The following ICE1 variants were observed in gnomAD, a reference collection of about 807,000 sequenced individuals.
The protein encoded by ICE1 is interactor of little elongation complex ELL subunit 1, also known as little elongation complex subunit 1.
A neutral mutation model predicts 192.7 loss-of-function variants in ICE1; 64 were observed. The observed-to-expected ratio is 0.33, with a 90% CI of 0.27 to 0.41. ICE1 has a LOEUF of 0.41. Among genes scored for constraint, ICE1 ranks in the 10% least tolerant of loss-of-function variants. ICE1 has a pLI of 1.00. For synonymous variants in ICE1, 1,010 were observed against 984.5 expected, an observed-to-expected ratio of 1.03 and a Z score of -0.49; for missense variants, 2,708 against 2,696.0, an observed-to-expected ratio of 1.00 and a Z score of -0.10.
chr5:5,469,134 C>A, intron 15 of ICE1, 146 bp downstream of exon 15: 1 of 537,844 alleles, frequency 1.9e-6, no homozygotes, highest in Non-Finnish European at 2.9e-6. Flanking sequence ...TTAGCCTAAG[C>A]TTATCCATTT....
intron 1 of ICE1, among the ~76,000 whole-genome samples, chr5:5,431,392 T>G (rs1737706300): frequency 1.3e-5 from 2 of 152,204 alleles, no homozygotes; most frequent in Non-Finnish European, 1.5e-5. Context: ...TGGGGCCTAC[T>G]GTCATCTGGT....
intron 17 of ICE1, among the ~76,000 whole-genome samples, chr5:5,476,401 T>C (rs773012099): frequency 2.6e-5 from 4 of 152,188 alleles, no homozygotes; most frequent in Non-Finnish European, 4.4e-5. Flanking sequence ...ATTTGGTTTC[T>C]AAAATAAGGA....
intron 7 of ICE1, among the ~76,000 whole-genome samples, chr5:5,446,078 C>G (rs1561079754): frequency 6.6e-6 from 1 of 151,692 alleles, no homozygotes; most frequent in East Asian, 1.9e-4. Context: ...AGTGCAGTGG[C>G]AAAATCATAG....
At chr5:5,469,032 T>C in intron 15 of ICE1, 44 bp downstream of exon 15, 1 of 1,270,322 alleles carries the variant, frequency 7.9e-7, no homozygotes, top group South Asian at 2.0e-5. Context: ...CTTTTAGATA[T>C]TATATAAATG....
At chr5:5,425,706 GT>G (rs1053126350) in intron 1 of ICE1, among the ~76,000 whole-genome samples, 2 of 152,178 alleles carry the variant, frequency 1.3e-5, no homozygotes, top group African/African-American at 4.8e-5. Flanking sequence ...GATGGTGAAG[GT>G]TTTTGCATAG....
At position 5,462,267 on chromosome 5, in the gene ICE1, A is replaced by G. The variant is rs1159779311; in HGVS notation, c.2933A>G (p.Gln978Arg). Residue 978 changes from glutamine to arginine, a missense_variant, in exon 13 of 19, where the codon CAG (glutamine) becomes CGG (arginine). Physicochemically the swap from Gln to Arg is conservative, Grantham distance 43. Transcript: ENST00000296564. ...NQDIVREAAV[Q>R]GDGQKQRQPQ... ...GACATTGTGAGAGAAGCTGCAGTGC[A>G]GGGAGATGGGCAGAAGCAAAGGCAG... 3.1e-6 allele frequency: 5 copies of G among 1,613,156 alleles called. No homozygotes were observed. In the South Asian group the frequency reaches 5.5e-5, roughly 18 times the overall value.
intron 17 of ICE1, among the ~76,000 whole-genome samples, chr5:5,485,120 T>C (rs1739604693): frequency 6.6e-6 from 1 of 152,098 alleles, no homozygotes; most frequent in Admixed American, 6.5e-5. Context: ...TCTTTGGTTC[T>C]CATACCTGTT....
chr5:5,448,020 G>T, intron 10 of ICE1, 123 bp downstream of exon 10: 1 of 667,684 alleles, frequency 1.5e-6, no homozygotes, highest in Non-Finnish European at 2.6e-6. Flanking sequence ...CGTTTTAGTA[G>T]AAGTCATATA....
chr5:5,435,205 A>G (rs191921103), intron 1 of ICE1, among the ~76,000 whole-genome samples: 2 of 152,372 alleles, frequency 1.3e-5, no homozygotes, highest in Non-Finnish European at 2.9e-5. Flanking sequence ...GTTGAAAGTT[A>G]AAAACACGCT....
Position 5,464,430 on chromosome 5 carries a change from C to G in ICE1, c.5096C>G (p.Ser1699Cys), listed in dbSNP as rs1203871308. Residue 1699 changes from serine (S) to cysteine (C), a missense_variant, in exon 13 of 19, where the codon TCT (serine) becomes TGT (cysteine). Physicochemically the swap from Ser to Cys is moderately radical, Grantham distance 112. Around this residue, in one of 2 missense-constraint regions of ICE1, gnomAD observed 2,366 missense variants for 2,276.6 expected, o/e 1.04. Coordinates refer to ENST00000296564, the MANE Select transcript of ICE1 (RefSeq NM_015325.3). This position sits in a 1 kb window ranked among gnomAD's most constrained non-coding sequence, Gnocchi z 4.0. ...GCCTCTCCTCCAGATCCTTCTCCATCTCCATCTGCAGCTTCAGCCAGTGAG... is the reference window on the plus strand; with the variant it reads ...GCCTCTCCTCCAGATCCTTCTCCATGTCCATCTGCAGCTTCAGCCAGTGAG... The part of the protein sequence containing the change: ...RRASPPDPSP[S>C]PSAASASERV... 1.4e-5 allele frequency: 22 copies of G among 1,613,838 alleles called. No individual in the cohort carries two copies. The Admixed American group carries it at 3.0e-4, about 22-fold the overall frequency.
intron 18 of ICE1, 114 bp from the exon 19 acceptor site, chr5:5,489,035 C>G: frequency 2.3e-6 from 2 of 852,346 alleles, no homozygotes; most frequent in South Asian, 1.7e-5. Flanking sequence ...ATTTAATTTT[C>G]ATTGCTGGCA....
At chr5:5,432,684 TTGTC>T (rs1561072874) in intron 1 of ICE1, among the ~76,000 whole-genome samples, 1 of 152,216 alleles carries the variant, frequency 6.6e-6, no homozygotes. Flanking sequence ...ACACTTGCTA[TTGTC>T]TGTCTTTTAA....
intron 18 of ICE1, among the ~76,000 whole-genome samples, chr5:5,488,105 T>G (rs1400175969): frequency 6.6e-6 from 1 of 152,228 alleles, no homozygotes; most frequent in African/African-American, 2.4e-5. Flanking sequence ...TTTGTTTGAG[T>G]CATGGCCTTA....
Position 5,447,701 on chromosome 5 carries a change from T to C in ICE1, c.508-20T>C. On this transcript the variant is annotated intron_variant, in intron 8 of 18. Coordinates refer to ENST00000296564, the MANE Select transcript of ICE1 (RefSeq NM_015325.3). Reference sequence around the variant, plus strand: ...CACTTCTTATTCAGCATAAACACTATTAATATTTTGTTTTCACAGGAAAGG... The same window carrying C: ...CACTTCTTATTCAGCATAAACACTACTAATATTTTGTTTTCACAGGAAAGG... 6.4e-7 allele frequency: 1 copy of C among 1,559,688 alleles called. No homozygotes were observed. Among genetic ancestry groups the C allele is most frequent in the Non-Finnish European group, 8.7e-7 (1 of 1,146,658 alleles).
chr5:5,454,529 T>C lies in ICE1; in HGVS notation c.605-23T>C, dbSNP rs550840906. ...TACGGTGAGCCAAATGACGTGACTT[T>C]AATGCTTTGCTCTGTTTCACAGGAA... On this transcript the variant is annotated intron_variant, in intron 10 of 18. Coordinates refer to ENST00000296564, the MANE Select transcript of ICE1 (RefSeq NM_015325.3). 1.3e-5 allele frequency: 21 copies of C among 1,588,082 alleles called. No homozygotes were observed. In the South Asian group the frequency reaches 2.2e-4, roughly 17 times the overall value.
rs546526042 is a variant in ICE1, at chr5:5,457,725, C to T, written c.1085C>T (p.Pro362Leu). Residue 362 changes from proline to leucine, a missense_variant, in exon 12 of 19, where the codon CCG becomes CTG. Coordinates refer to ENST00000296564, the MANE Select transcript of ICE1 (RefSeq NM_015325.3). ...PMSSPHPGSL[P>L]SSFAPETYFG... The stretch of plus-strand genomic sequence containing the variant: ...TCATCACCTCACCCGGGTTCCTTAC[C>T]GTCTTCATTTGCACCTGTGAGTTTT... The T allele has an allele frequency of 1.1e-4, 177 of 1,611,424 alleles. 2 individuals carry two copies. The South Asian group carries it at 1.8e-3, about 17-fold the overall frequency.
chr5:5,453,518 A>G (rs1489999570), intron 10 of ICE1, among the ~76,000 whole-genome samples: 1 of 152,206 alleles, frequency 6.6e-6, no homozygotes, highest in Non-Finnish European at 1.5e-5. Flanking sequence ...GAACTGGAGT[A>G]AAGATTTCAC....
intron 1 of ICE1, among the ~76,000 whole-genome samples, chr5:5,423,453 T>TA (rs1293932701): frequency 3.9e-5 from 6 of 152,186 alleles, no homozygotes; most frequent in Non-Finnish European, 8.8e-5. Context: ...GTCTGAGTCT[T>TA]AGACTCGAAG....
At chr5:5,474,253 C>T (rs950817144) in intron 16 of ICE1, among the ~76,000 whole-genome samples, 7 of 151,538 alleles carry the variant, frequency 4.6e-5, no homozygotes, top group Non-Finnish European at 1.0e-4. Flanking sequence ...ATCCCTATCA[C>T]ATTTTCTTGC....
Sources: allele counts gnomAD v4.1 joint callset (sites outside exome capture counted in the v4.1 genomes callset), GRCh38; gene constraint gnomAD v4.1.1; regional missense constraint gnomAD v4.1.1; non-coding constraint Gnocchi (gnomAD v3.1); transcripts MANE v1.5; gene names NCBI Gene and HGNC (gene_info 2026-07-23, HGNC 2026-07-21).